The following NCKAP5 variants were observed in gnomAD, a reference collection of about 807,000 sequenced individuals.
The protein encoded by NCKAP5 is nck-associated protein 5.
NCKAP5 carries 92 observed loss-of-function variants against 167.0 expected under a neutral mutation model. The ratio of observed to expected loss-of-function variants is 0.55; its 90% CI spans 0.47 to 0.66. The LOEUF (loss-of-function observed/expected upper bound fraction) is 0.66. Among genes scored for constraint, NCKAP5 ranks in the 30% least tolerant of loss-of-function variants. The pLI is 0.00. For missense variants in NCKAP5, 2,378 were observed against 2,315.0 expected (o/e 1.03, Z -0.56); for synonymous variants, 891 against 877.4 (o/e 1.02, Z -0.27).
chr2:133,195,225 G>A (rs2085387637), intron 5 of NCKAP5, among the ~76,000 whole-genome samples: 2 of 152,106 alleles, frequency 1.3e-5, no homozygotes, highest in Admixed American at 1.3e-4. Flanking sequence ...CTCAGGTTAT[G>A]AGCTCAAAAA....
the NCKAP5 span, among the ~76,000 whole-genome samples, chr2:133,637,601 G>A: frequency 0.46 from 62,498 of 136,674 alleles, 15,061 homozygotes; most frequent in East Asian, 0.78. Flanking sequence ...AGTTATCAAA[G>A]TTAAAAATTT....
chr2:133,438,503 T>C (rs1289810903), intron 3 of NCKAP5, among the ~76,000 whole-genome samples: 1 of 152,224 alleles, frequency 6.6e-6, no homozygotes, highest in African/African-American at 2.4e-5. Context: ...TAGTTACTAA[T>C]ACAGAGCTGT....
chr2:133,489,964 T>C (rs1265324775), intron 3 of NCKAP5, among the ~76,000 whole-genome samples: 2 of 152,068 alleles, frequency 1.3e-5, no homozygotes, highest in African/African-American at 4.8e-5. Flanking sequence ...AAAGGGGAGA[T>C]TTCCAGGGCA....
intron 11 of NCKAP5, among the ~76,000 whole-genome samples, chr2:132,800,625 C>T (rs940742694): frequency 6.6e-6 from 1 of 152,122 alleles, no homozygotes; most frequent in Non-Finnish European, 1.5e-5. Flanking sequence ...CTGAGTTGAT[C>T]TTTTGTCCAT....
chr2:133,338,930 G>T (rs539446320), intron 3 of NCKAP5, among the ~76,000 whole-genome samples: 11 of 152,310 alleles, frequency 7.2e-5, no homozygotes, highest in Non-Finnish European at 1.6e-4. Flanking sequence ...TGAGGCAGGA[G>T]AATTGCTTGA....
chr2:132,724,068 G>A (rs1216247836), intron 19 of NCKAP5, among the ~76,000 whole-genome samples: 4 of 152,156 alleles, frequency 2.6e-5, no homozygotes, highest in Admixed American at 6.5e-5. Flanking sequence ...TCTGCCTCAA[G>A]TCTACCACAT....
intron 7 of NCKAP5, among the ~76,000 whole-genome samples, chr2:132,984,837 T>C (rs2077244909): frequency 1.3e-5 from 2 of 151,128 alleles, no homozygotes; most frequent in Non-Finnish European, 2.9e-5. Flanking sequence ...AGGACTGATA[T>C]CATCGTGATT....
chr2:133,264,455 T>C (rs1329353459), intron 4 of NCKAP5, among the ~76,000 whole-genome samples: 1 of 152,186 alleles, frequency 6.6e-6, no homozygotes, highest in Non-Finnish European at 1.5e-5. Context: ...TAATGGGGGC[T>C]TTAAAATGCT....
chr2:132,819,377 T>C (rs566611552), intron 11 of NCKAP5, among the ~76,000 whole-genome samples: 1 of 152,364 alleles, frequency 6.6e-6, no homozygotes, highest in South Asian at 2.1e-4. Context: ...CTATGACTGT[T>C]ATGTATTGTT....
At chr2:132,675,627 TAGA>T (rs1413425327) in intron 19 of NCKAP5, among the ~76,000 whole-genome samples, 2 of 152,170 alleles carry the variant, frequency 1.3e-5, no homozygotes, top group Non-Finnish European at 2.9e-5. Context: ...CCCACTGGTC[TAGA>T]AGAACATGAC....
intron 12 of NCKAP5, among the ~76,000 whole-genome samples, chr2:132,793,745 G>A (rs1558786677): frequency 6.6e-6 from 1 of 152,166 alleles, no homozygotes; most frequent in Non-Finnish European, 1.5e-5. Flanking sequence ...TGTCTGTGTA[G>A]GTGTACGTGT....
chr2:133,006,338 A>G (rs1021492331), intron 6 of NCKAP5, among the ~76,000 whole-genome samples: 2 of 152,316 alleles, frequency 1.3e-5, no homozygotes, highest in East Asian at 3.9e-4. Flanking sequence ...TGCTTTTAAA[A>G]GTTTGAATCT....
intron 6 of NCKAP5, among the ~76,000 whole-genome samples, chr2:133,010,084 A>T (rs1483625262): frequency 2.0e-5 from 3 of 149,968 alleles, no homozygotes; most frequent in South Asian, 2.1e-4. Flanking sequence ...AAAAAAAAAT[A>T]AATAAATAAA....
At chr2:132,790,262 A>G in intron 12 of NCKAP5, 57 bp from the exon 13 acceptor site, 1 of 1,471,644 alleles carries the variant, frequency 6.8e-7, no homozygotes, top group Non-Finnish European at 9.2e-7. Context: ...GTAAATATCA[A>G]CACAACCTTA....
At chr2:133,461,097 C>T (rs891502029) in intron 3 of NCKAP5, among the ~76,000 whole-genome samples, 1 of 152,040 alleles carries the variant, frequency 6.6e-6, no homozygotes, top group Non-Finnish European at 1.5e-5. Flanking sequence ...TTTACTGCAG[C>T]CAAAGGGAGA....
At chr2:132,759,776 T>C (rs568589321) in intron 16 of NCKAP5, among the ~76,000 whole-genome samples, 1 of 152,226 alleles carries the variant, frequency 6.6e-6, no homozygotes, top group Admixed American at 6.5e-5. Flanking sequence ...TCTTTGCCTT[T>C]TAACTAGAGA....
chr2:132,737,355 A>C (rs576837192), intron 16 of NCKAP5, among the ~76,000 whole-genome samples: 1 of 152,306 alleles, frequency 6.6e-6, no homozygotes, highest in Non-Finnish European at 1.5e-5. Flanking sequence ...CCTAGAAGCA[A>C]ATACAGGACT....
intron 5 of NCKAP5, among the ~76,000 whole-genome samples, chr2:133,188,046 C>A (rs559401169): frequency 6.6e-6 from 1 of 152,184 alleles, no homozygotes; most frequent in African/African-American, 2.4e-5. Flanking sequence ...TGCTAGTTAG[C>A]TGATGCAGTT....
intron 6 of NCKAP5, among the ~76,000 whole-genome samples, chr2:133,048,552 G>A (rs1041003122): frequency 3.3e-5 from 5 of 152,020 alleles, no homozygotes; most frequent in South Asian, 4.1e-4. Context: ...GGCCATATGT[G>A]GATAATTTTT....
Sources: gnomAD v4.1 joint callset for allele counts (sites outside exome capture counted in the v4.1 genomes callset) on GRCh38, gnomAD v4.1.1 for gene constraint, MANE v1.5 for transcripts, NCBI Gene and HGNC (gene_info 2026-07-23, HGNC 2026-07-21) for gene names.